Variants in FRMD4B observed in about 807,000 individuals in gnomAD.
FRMD4B encodes the protein FERM domain-containing protein 4B.
In FRMD4B, 74 loss-of-function variants were observed where a neutral mutation model predicts 141.5. The ratio of observed to expected loss-of-function variants is 0.52; its 90% CI spans 0.43 to 0.63. The LOEUF is 0.63. FRMD4B is among the 30% of genes least tolerant of loss of function. The pLI is 0.00. For synonymous variants in FRMD4B, 506 were observed against 467.9 expected (o/e 1.08, Z -1.05); for missense variants, 1,366 against 1,253.4 (o/e 1.09, Z -1.36).
At chr3:69,237,124 A>G (rs907015468) in intron 7 of FRMD4B, among the ~76,000 whole-genome samples, 1 of 152,238 alleles carries the variant, frequency 6.6e-6, no homozygotes, top group African/African-American at 2.4e-5. Context: ...GTGGCAACAG[A>G]TCTAAAGGAC....
At chr3:69,353,603 A>C in intron 1 of FRMD4B, 1 of 985,336 alleles carries the variant, frequency 1.0e-6, no homozygotes, top group Non-Finnish European at 1.2e-6. Flanking sequence ...TTAAGACAAA[A>C]GACACACGTA....
intron 7 of FRMD4B, among the ~76,000 whole-genome samples, chr3:69,242,780 G>C (rs1260364648): frequency 8.6e-5 from 13 of 151,304 alleles, no homozygotes; most frequent in African/African-American, 3.2e-4. Flanking sequence ...GGATCATGAG[G>C]TCAGGAGTTC....
intron 1 of FRMD4B, among the ~76,000 whole-genome samples, chr3:69,352,358 C>A (rs1345839944): frequency 6.6e-6 from 1 of 152,186 alleles, no homozygotes; most frequent in African/African-American, 2.4e-5. Flanking sequence ...ACAATGGACT[C>A]ATTTCTAAGG....
At chr3:69,182,455 T>A (rs2092717671) in intron 20 of FRMD4B, 143 bp downstream of exon 20, 1 of 709,912 alleles carries the variant, frequency 1.4e-6, no homozygotes, top group Non-Finnish European at 2.2e-6. Context: ...TTTGAAACCA[T>A]AAGTTAGCAG....
chr3:69,180,421 G>T (rs2092693167), intron 21 of FRMD4B, among the ~76,000 whole-genome samples: 1 of 151,994 alleles, frequency 6.6e-6, no homozygotes, highest in African/African-American at 2.4e-5. Context: ...AACCAGGAGG[G>T]ATGTATAATT....
intron 22 of FRMD4B, among the ~76,000 whole-genome samples, chr3:69,172,603 A>G (rs2107557552): frequency 6.6e-6 from 1 of 152,356 alleles, no homozygotes; most frequent in Middle Eastern, 3.4e-3. Flanking sequence ...CAGGGACAAA[A>G]TAATATATTT....
chr3:69,469,815 T>C (rs535753568), intron 1 of FRMD4B, among the ~76,000 whole-genome samples: 75 of 152,248 alleles, frequency 4.9e-4, no homozygotes, highest in Non-Finnish European at 9.8e-4. Context: ...GAGACTTTGA[T>C]TTAGCGGCAG....
chr3:69,343,254 A>C (rs1702802235), intron 1 of FRMD4B, among the ~76,000 whole-genome samples: 1 of 152,178 alleles, frequency 6.6e-6, no homozygotes, highest in African/African-American at 2.4e-5. Context: ...CATTAGGCTG[A>C]AAAGGTAGTT....
At chr3:69,435,755 C>A (rs142186361) in intron 1 of FRMD4B, among the ~76,000 whole-genome samples, 1 of 152,134 alleles carries the variant, frequency 6.6e-6, no homozygotes, top group Non-Finnish European at 1.5e-5. Context: ...AGTAAAATTG[C>A]ATCTTACGTG....
chr3:69,280,379 C>T (rs1453348637), intron 5 of FRMD4B, among the ~76,000 whole-genome samples: 2 of 152,142 alleles, frequency 1.3e-5, no homozygotes, highest in African/African-American at 4.8e-5. Context: ...GGGGCAGTTC[C>T]TACCTAGTTT....
At chr3:69,541,789 T>TCC (rs56146632) in intron 1 of FRMD4B, among the ~76,000 whole-genome samples, 1,821 of 148,378 alleles carry the variant, frequency 0.012, 52 homozygotes, top group African/African-American at 0.043. Context: ...TCCAGGGATT[T>TCC]CCCCCCCCTC....
intron 1 of FRMD4B, among the ~76,000 whole-genome samples, chr3:69,363,767 C>A (rs1575765914): frequency 6.6e-6 from 1 of 152,246 alleles, no homozygotes; most frequent in East Asian, 1.9e-4. Flanking sequence ...CTATGTTTAC[C>A]CTTAACCAAT....
At chr3:69,400,407 T>TG (rs1426446718) in intron 2 of FRMD4B, among the ~76,000 whole-genome samples, 1 of 151,968 alleles carries the variant, frequency 6.6e-6, no homozygotes, top group Non-Finnish European at 1.5e-5. Context: ...AGTGTACCAT[T>TG]TAGAAGAAAA....
At position 69,303,067 on chromosome 3, in the gene FRMD4B, G is replaced by C. The variant is rs977452773; in HGVS notation, c.324-632C>G. ...CCAGCCTGGGCAACATCCCCTGTTA[G>C]AGTGAAACTCTGTCTAAAAAATAAA... On this transcript the variant is annotated intron_variant, in intron 3 of 22. Coordinates refer to ENST00000398540, the MANE Select transcript of FRMD4B (RefSeq NM_015123.3). Among the ~76,000 whole-genome samples, 3 of 138,280 alleles carry C rather than the reference G, an allele frequency of 2.2e-5. No individual in the cohort carries two copies. The East Asian group carries it at 5.8e-4, about 27-fold the overall frequency. 90.7% of individuals were successfully genotyped at this position (138,280 alleles called of 152,430 possible). A position where few individuals can be genotyped will look rare whatever the true frequency, so the allele number is the denominator to read the frequency against.
At chr3:69,225,296 C>T (rs1273818173) in intron 7 of FRMD4B, among the ~76,000 whole-genome samples, 2 of 151,876 alleles carry the variant, frequency 1.3e-5, no homozygotes, top group Non-Finnish European at 2.9e-5. Flanking sequence ...TAAAATGTAC[C>T]TCATGTAAGG....
chr3:69,420,578 G>A (rs995611580), intron 2 of FRMD4B, among the ~76,000 whole-genome samples: 4 of 151,916 alleles, frequency 2.6e-5, no homozygotes, highest in Non-Finnish European at 4.4e-5. Context: ...AGAGATGTTC[G>A]GGTTTCAAAT....
intron 5 of FRMD4B, among the ~76,000 whole-genome samples, chr3:69,260,649 G>A (rs958596806): frequency 1.3e-5 from 2 of 152,368 alleles, no homozygotes; most frequent in Admixed American, 6.5e-5. Flanking sequence ...CGCGTGGTGC[G>A]GGACTGGCGG....
chr3:69,438,312 C>T (rs1705292605), intron 1 of FRMD4B, among the ~76,000 whole-genome samples: 11 of 151,946 alleles, frequency 7.2e-5, no homozygotes, highest in Admixed American at 7.2e-4. Context: ...CGCTTTGTTG[C>T]TCAGGTTGTT....
At position 69,250,240 on chromosome 3, in the gene FRMD4B, G is replaced by T. The variant is rs117811867; in HGVS notation, c.502-141C>A. ...AGATCATACCATTGCAGGGGAAAGTGGGGGGTGTGGAGAGACTCATTGAGG... is the reference window on the plus strand; with the variant it reads ...AGATCATACCATTGCAGGGGAAAGTTGGGGGTGTGGAGAGACTCATTGAGG... On this transcript the variant is annotated intron_variant, in intron 5 of 22. Coordinates refer to ENST00000398540, the MANE Select transcript of FRMD4B (RefSeq NM_015123.3). 2.5e-3 allele frequency: 1,813 copies of T among 721,658 alleles called. 38 individuals are homozygous for T. In the East Asian group the frequency reaches 0.041, roughly 16 times the overall value. 44.7% of individuals were successfully genotyped at this position (721,658 alleles called of 1,614,324 possible). A position where few individuals can be genotyped will look rare whatever the true frequency, so the allele number is the denominator to read the frequency against.
Sources: allele counts gnomAD v4.1 joint callset (sites outside exome capture counted in the v4.1 genomes callset), GRCh38; gene constraint gnomAD v4.1.1; transcripts MANE v1.5; gene names NCBI Gene and HGNC (gene_info 2026-07-23, HGNC 2026-07-21).